SHROOM3: variants seen among roughly 807,000 people sequenced by gnomAD.
SHROOM3 encodes protein Shroom3.
Under a neutral mutation model 138.6 loss-of-function variants are expected in SHROOM3, and 47 were observed. The ratio of observed to expected loss-of-function variants is 0.34; its 90% CI spans 0.27 to 0.43. The LOEUF (loss-of-function observed/expected upper bound fraction) is 0.43. SHROOM3 is among the 20% of genes least tolerant of loss of function. The pLI is 1.00. For synonymous variants in SHROOM3, 1,062 were observed against 1,063.3 expected (o/e 1.00, Z 0.02); for missense variants, 2,491 against 2,596.5 (o/e 0.96, Z 0.88).
chr4:76,455,829 G>A (rs536546008), intron 1 of SHROOM3, among the ~76,000 whole-genome samples: 2 of 152,196 alleles, frequency 1.3e-5, no homozygotes, highest in South Asian at 2.1e-4. Flanking sequence ...AAGGCACCAA[G>A]TATTAACTCT....
chr4:76,577,629 G>A (rs180891793), intron 2 of SHROOM3, among the ~76,000 whole-genome samples: 3 of 152,274 alleles, frequency 2.0e-5, no homozygotes, highest in East Asian at 3.9e-4. Context: ...TTAGAAAAAT[G>A]CTCCAGTCTA....
chr4:76,704,049 A>G (rs1493360), intron 2 of SHROOM3, among the ~76,000 whole-genome samples: 19,988 of 152,240 alleles, frequency 0.13, 1,599 homozygotes, highest in East Asian at 0.21. Flanking sequence ...TCTATTTTCA[A>G]GAAGAAATCA....
intron 2 of SHROOM3, among the ~76,000 whole-genome samples, chr4:76,677,106 C>A (rs1387051649): frequency 6.6e-6 from 1 of 152,156 alleles, no homozygotes; most frequent in African/African-American, 2.4e-5. Context: ...ATTCTAGAGA[C>A]ATCTGGGGCT....
intron 1 of SHROOM3, among the ~76,000 whole-genome samples, chr4:76,488,821 CAT>C (rs1314035219): frequency 5.3e-5 from 8 of 151,652 alleles, no homozygotes; most frequent in African/African-American, 1.5e-4. Flanking sequence ...TGTACTAACT[CAT>C]GTGATTCTCA....
At chr4:76,697,087 ATTTTTTT>A (rs1163545473) in intron 2 of SHROOM3, among the ~76,000 whole-genome samples, 9 of 135,788 alleles carry the variant, frequency 6.6e-5, no homozygotes, top group Non-Finnish European at 4.8e-5. Flanking sequence ...CAGCTAATTA[ATTTTTTT>A]TTTTTTTTTT....
At chr4:76,708,844 A>G (rs1348354009) in intron 2 of SHROOM3, among the ~76,000 whole-genome samples, 1 of 152,182 alleles carries the variant, frequency 6.6e-6, no homozygotes. Flanking sequence ...TACTTGACCA[A>G]TTTATTCAGT....
chr4:76,549,379 T>G (rs900814470), intron 1 of SHROOM3, among the ~76,000 whole-genome samples: 1 of 152,098 alleles, frequency 6.6e-6, no homozygotes, highest in African/African-American at 2.4e-5. Flanking sequence ...TCTTTCCTTT[T>G]TTTTTTTGAG....
At chr4:76,673,842 C>T (rs1336687306) in intron 2 of SHROOM3, among the ~76,000 whole-genome samples, 2 of 152,152 alleles carry the variant, frequency 1.3e-5, no homozygotes, top group East Asian at 3.8e-4. Context: ...ACCCCCGTGT[C>T]CCCACTTTAC....
At chr4:76,603,463 A>C (rs892401432) in intron 2 of SHROOM3, among the ~76,000 whole-genome samples, 2 of 152,190 alleles carry the variant, frequency 1.3e-5, no homozygotes, top group African/African-American at 2.4e-5. Flanking sequence ...ACAAAAAAAA[A>C]CCGTACTTTG....
At chr4:76,576,140 C>T (rs1388700319) in intron 2 of SHROOM3, among the ~76,000 whole-genome samples, 1 of 152,184 alleles carries the variant, frequency 6.6e-6, no homozygotes, top group Non-Finnish European at 1.5e-5. Flanking sequence ...AGCAATCCCA[C>T]TATGGGGTAT....
chr4:76,473,558 A>G (rs749424402), intron 1 of SHROOM3, among the ~76,000 whole-genome samples: 2 of 152,096 alleles, frequency 1.3e-5, no homozygotes, highest in African/African-American at 2.4e-5. Flanking sequence ...GCAGTGAGCT[A>G]TGATTATGCC....
intron 5 of SHROOM3, among the ~76,000 whole-genome samples, chr4:76,747,637 G>A (rs1366360932): frequency 6.6e-6 from 1 of 152,122 alleles, no homozygotes; most frequent in Non-Finnish European, 1.5e-5. Flanking sequence ...ATGGGACCTA[G>A]GCTTTTCCAA....
intron 2 of SHROOM3, among the ~76,000 whole-genome samples, chr4:76,607,668 A>C (rs11723275): frequency 0.5 from 76,505 of 151,862 alleles, 19,501 homozygotes; most frequent in East Asian, 0.65. Context: ...CCTGGTTTCT[A>C]TGAGGGGTGC....
At chr4:76,770,477 G>GAAAGAAGGCTATTAT in intron 9 of SHROOM3, 149 bp from the exon 10 acceptor site, 3 of 912,352 alleles carry the variant, frequency 3.3e-6, no homozygotes, top group South Asian at 1.5e-5. Context: ...AGGCTATTAT[G>GAAAGAAGGCTATTAT]GCATAATATT....
intron 2 of SHROOM3, among the ~76,000 whole-genome samples, chr4:76,680,430 T>C (rs1216760672): frequency 1.3e-5 from 2 of 152,220 alleles, no homozygotes; most frequent in Non-Finnish European, 2.9e-5. Flanking sequence ...TAAGCCACTG[T>C]ACCTGGCCCG....
chr4:76,509,114 A>G (rs1445028599), intron 1 of SHROOM3, among the ~76,000 whole-genome samples: 2 of 152,190 alleles, frequency 1.3e-5, no homozygotes, highest in Non-Finnish European at 2.9e-5. Context: ...AGGGACACAT[A>G]CATTCAAACC....
At chr4:76,495,434 G>A (rs567820101) in intron 1 of SHROOM3, among the ~76,000 whole-genome samples, 2 of 152,354 alleles carry the variant, frequency 1.3e-5, no homozygotes, top group East Asian at 3.9e-4. Flanking sequence ...CATCAAAGCA[G>A]ACAACTCTGT....
intron 2 of SHROOM3, chr4:76,559,696 T>C (rs982766054): frequency 1.1e-4 from 17 of 152,086 alleles, no homozygotes; most frequent in African/African-American, 4.1e-4. Context: ...CAGAGCAGGG[T>C]AATAGTGTTT....
At chr4:76,601,326 G>T (rs912592698) in intron 2 of SHROOM3, among the ~76,000 whole-genome samples, 1 of 152,038 alleles carries the variant, frequency 6.6e-6, no homozygotes, top group Non-Finnish European at 1.5e-5. Context: ...CCAAAATCCT[G>T]CAATGCACAG....
Sources: gnomAD v4.1 joint callset for allele counts (sites outside exome capture counted in the v4.1 genomes callset) on GRCh38, gnomAD v4.1.1 for gene constraint, MANE v1.5 for transcripts, NCBI Gene and HGNC (gene_info 2026-07-23, HGNC 2026-07-21) for gene names.